Variants in NT5C1B observed in about 807,000 individuals in gnomAD.
NT5C1B encodes cytosolic 5'-nucleotidase 1B.
In NT5C1B, 44 loss-of-function variants were observed where a neutral mutation model predicts 57.8. The ratio of observed to expected loss-of-function variants is 0.76; its 90% CI spans 0.60 to 0.98. NT5C1B has a LOEUF of 0.98. Among genes scored for constraint, NT5C1B ranks in the 50% least tolerant of loss-of-function variants. NT5C1B has a pLI of 0.00. For missense variants in NT5C1B, 742 were observed against 719.5 expected, an observed-to-expected ratio of 1.03 and a Z score of -0.36; for synonymous variants, 284 against 282.6, an observed-to-expected ratio of 1.00 and a Z score of -0.05.
intron 6 of NT5C1B, among the ~76,000 whole-genome samples, chr2:18,580,457 A>C (rs941927213): frequency 6.6e-6 from 1 of 152,164 alleles, no homozygotes; most frequent in Non-Finnish European, 1.5e-5. Context: ...CTACTAAAAA[A>C]ATACAAAATT....
intron 8 of NT5C1B, among the ~76,000 whole-genome samples, chr2:18,575,909 G>T (rs11893074): frequency 0.19 from 29,480 of 152,064 alleles, 5,832 homozygotes; most frequent in African/African-American, 0.51. Flanking sequence ...ACTCCCAATT[G>T]GGAGAGGGCA....
intron 8 of NT5C1B, among the ~76,000 whole-genome samples, chr2:18,571,754 ATATATATATATGT>A (rs1665204030): frequency 9.7e-6 from 1 of 103,362 alleles, no homozygotes; most frequent in South Asian, 3.2e-4. Flanking sequence ...ATATATATAT[ATATATATATATGT>A]TAATTTTAAC....
At chr2:18,575,551 T>A (rs1665596296) in intron 8 of NT5C1B, among the ~76,000 whole-genome samples, 1 of 152,174 alleles carries the variant, frequency 6.6e-6, no homozygotes, top group African/African-American at 2.4e-5. Flanking sequence ...ACATTTTGAT[T>A]TCAGATTTCC....
rs532197635 is a variant in NT5C1B, at chr2:18,565,275, A to G, written c.1330-1156T>C. Among the ~76,000 whole-genome samples, 12 of 152,158 alleles carry G rather than the reference A, an allele frequency of 7.9e-5. No homozygotes were observed. The South Asian group carries it at 1.7e-3, about 21-fold the overall frequency. ...GTACGGTTGTTTTAGTTTTAATTCT[A>G]TGGTTAAGTATATTATATGACCATT... On this transcript the variant is annotated intron_variant, in intron 8 of 8. Transcript: ENST00000304081.
exon 3 of NT5C1B, chr2:18,586,304 T>C: frequency 6.2e-7 from 1 of 1,614,198 alleles, no homozygotes; most frequent in Non-Finnish European, 8.5e-7. Context: ...GGAGCCTTGG[T>C]GGATGGGCTC....
intron 1 of NT5C1B, among the ~76,000 whole-genome samples, chr2:18,588,536 T>C (rs936090008): frequency 6.6e-6 from 1 of 152,182 alleles, no homozygotes; most frequent in Non-Finnish European, 1.5e-5. Flanking sequence ...TCATCAACCC[T>C]CACTCACCTT....
intron 1 of NT5C1B, among the ~76,000 whole-genome samples, 198 bp from the exon 2 acceptor site, chr2:18,587,790 T>C (rs1044284181): frequency 3.3e-5 from 5 of 152,208 alleles, no homozygotes; most frequent in African/African-American, 9.6e-5. Flanking sequence ...AAAAGAATTA[T>C]ATAAACAAGT....
chr2:18,584,164 A>G lies in NT5C1B; in HGVS notation c.815T>C (p.Leu272Pro). 1 of 1,614,142 alleles carries G rather than the reference A, an allele frequency of 6.2e-7. No homozygotes were observed. The highest frequency in any genetic ancestry group is 8.5e-7 in the Non-Finnish European group (1 of 1,180,044). Residue 272 changes from leucine to proline, a missense_variant, in exon 5 of 9, where the codon CTG (leucine) becomes CCG (proline). By Grantham distance (98) the Leu-to-Pro change is moderately conservative (BLOSUM62 -3). Coordinates refer to ENST00000304081, the Ensembl canonical transcript of NT5C1B. The surrounding 1 kb of genome is among the most constrained non-coding windows in gnomAD (Gnocchi z 5.8). ...GAGCTGATACTCCATGTACTTTTCC[A>G]GACCCTCTTGCTCGTAGATTTTCCT...
rs773168634 is a variant in NT5C1B, at chr2:18,584,098, C to G, written c.881G>C (p.Arg294Pro). 5.0e-6 allele frequency: 8 copies of G among 1,614,052 alleles called. No homozygotes were observed. The East Asian group carries it at 8.9e-5, about 18-fold the overall frequency. Reference sequence around the variant, plus strand: ...CAGCTTGCAGAATACCTTGACGAAGCGGAACGCCGGGCCCGGGGTCAGGAT... The same window carrying G: ...CAGCTTGCAGAATACCTTGACGAAGGGGAACGCCGGGCCCGGGGTCAGGAT... Residue 294 changes from arginine to proline, a missense_variant, in exon 5 of 9, where the codon CGC becomes CCC. Coordinates refer to ENST00000304081, the Ensembl canonical transcript of NT5C1B. This position sits in a 1 kb window ranked among gnomAD's most constrained non-coding sequence, Gnocchi z 5.8.
At chr2:18,570,560 A>T (rs984724248) in intron 8 of NT5C1B, among the ~76,000 whole-genome samples, 2 of 152,096 alleles carry the variant, frequency 1.3e-5, no homozygotes, top group Non-Finnish European at 2.9e-5. Flanking sequence ...AAAAAGAAAA[A>T]TGGAAGTTCT....
intron 8 of NT5C1B, among the ~76,000 whole-genome samples, chr2:18,565,828 C>T (rs1664592599): frequency 6.6e-6 from 1 of 152,080 alleles, no homozygotes; most frequent in African/African-American, 2.4e-5. Flanking sequence ...CCTCCCCCAA[C>T]ATGATTTTAA....
At chr2:18,573,837 T>G (rs192313121) in intron 8 of NT5C1B, among the ~76,000 whole-genome samples, 1 of 152,186 alleles carries the variant, frequency 6.6e-6, no homozygotes, top group African/African-American at 2.4e-5. Flanking sequence ...TTTTTTAAAC[T>G]GGCAGAAGTA....
In NT5C1B at chr2:18,584,752, C is replaced by G. The variant is rs770381152; in HGVS notation, c.485G>C (p.Arg162Pro). The change falls in exon 4 of 9, where the codon CGG (arginine) becomes CCG (proline). Residue 162 changes from arginine (R) to proline (P), a missense_variant. By Grantham distance (103) the Arg-to-Pro change is moderately radical. Transcript: ENST00000304081. This position sits in a 1 kb window ranked among gnomAD's most constrained non-coding sequence, Gnocchi z 5.8. Reference sequence around the variant, plus strand: ...CGAGTCCCGGGTCTGGCGGATTTCCCGCACGATGCCTTGGGCCCAGGCCTC... The same window carrying G: ...CGAGTCCCGGGTCTGGCGGATTTCCGGCACGATGCCTTGGGCCCAGGCCTC... The G allele has an allele frequency of 6.2e-7, 1 of 1,613,516 alleles. No homozygotes were observed. The highest frequency in any genetic ancestry group is 8.5e-7 in the Non-Finnish European group (1 of 1,179,752).
rs79711989 is a variant in NT5C1B at position 18,585,030 on chromosome 2, G to A, written c.259-52C>T. 1.4e-3 allele frequency: 2,269 copies of A among 1,586,924 alleles called. 17 individuals are homozygous for A. In the African/African-American group the frequency reaches 0.023, roughly 16 times the overall value. On this transcript the variant is annotated intron_variant, in intron 3 of 8. Transcript: ENST00000304081. ...GTCGAGGCCTGCCTGCCCATCTCCG[G>A]TCAAGGATCTGTCCCTTCTGCCTAT... is the stretch of plus-strand genomic sequence containing the variant.
At chr2:18,589,364 C>A (rs1222049082) in intron 1 of NT5C1B, 75 bp downstream of exon 1, 17 of 1,600,196 alleles carry the variant, frequency 1.1e-5, no homozygotes, top group Non-Finnish European at 1.5e-5. Flanking sequence ...AGAGCCTTTG[C>A]AGAGGCAAAT....
At position 18,579,405 on chromosome 2, in the gene NT5C1B, A is replaced by G. The variant is rs191259049; in HGVS notation, c.1022-2510T>C. On this transcript the variant is annotated intron_variant, in intron 6 of 8. Transcript: ENST00000304081. Reference sequence around the variant, plus strand: ...CTTCAAACTATACTACAAAGATACAATAACTAAAACAGCATGGTGCCGGTA... The same window carrying G: ...CTTCAAACTATACTACAAAGATACAGTAACTAAAACAGCATGGTGCCGGTA... Among the ~76,000 whole-genome samples, 559 of 152,286 alleles carry G rather than the reference A, an allele frequency of 3.7e-3. 12 individuals are homozygous for G. The highest frequency in any genetic ancestry group is 0.031 in the Admixed American group (477 of 15,292).
At chr2:18,587,376 A>G (rs1666815576) in intron 2 of NT5C1B, 127 bp downstream of exon 2, 2 of 1,510,838 alleles carry the variant, frequency 1.3e-6, no homozygotes, top group Middle Eastern at 1.8e-4. Context: ...TCATGAGGAC[A>G]TTAGGGACGC....
At chr2:18,580,292 C>G (rs2148146834) in intron 6 of NT5C1B, among the ~76,000 whole-genome samples, 1 of 152,220 alleles carries the variant, frequency 6.6e-6, no homozygotes, top group East Asian at 1.9e-4. Flanking sequence ...GGTATATACC[C>G]AGAGGAATAT....
intron 8 of NT5C1B, among the ~76,000 whole-genome samples, chr2:18,564,891 T>C (rs1664501786): frequency 6.6e-6 from 1 of 152,148 alleles, no homozygotes; most frequent in East Asian, 1.9e-4. Context: ...TTTCCTTCTA[T>C]AAATTACCTT....
Sources: gnomAD v4.1 joint callset for allele counts (sites outside exome capture counted in the v4.1 genomes callset) on GRCh38, gnomAD v4.1.1 for gene constraint, Gnocchi (gnomAD v3.1) non-coding constraint, MANE v1.5 for transcripts, NCBI Gene and HGNC (gene_info 2026-07-23, HGNC 2026-07-21) for gene names.